The following GLI3 variants were observed in gnomAD, a reference collection of about 807,000 sequenced individuals.
GLI3 encodes GLI family zinc finger 3.
A neutral mutation model predicts 100.8 loss-of-function variants in GLI3; 20 were observed. The observed-to-expected ratio is 0.20, with a 90% CI of 0.14 to 0.29. The LOEUF is 0.29. Ranked by LOEUF, GLI3 falls within the 10% of genes least tolerant of loss-of-function variation. The pLI is 1.00. For synonymous variants in GLI3, 938 were observed against 860.5 expected (o/e 1.09, Z -1.58); for missense variants, 2,040 against 2,128.5 (o/e 0.96, Z 0.82).
At chr7:42,093,294 A>C (rs943661118) in intron 3 of GLI3, among the ~76,000 whole-genome samples, 3 of 149,872 alleles carry the variant, frequency 2.0e-5, no homozygotes, top group Non-Finnish European at 4.4e-5. Flanking sequence ...CAGGAGAATC[A>C]CTTGAACCCG....
At chr7:42,019,623 T>C (rs1357834612) in intron 10 of GLI3, among the ~76,000 whole-genome samples, 1 of 152,174 alleles carries the variant, frequency 6.6e-6, no homozygotes, top group Non-Finnish European at 1.5e-5. Flanking sequence ...TTTGAAGTTA[T>C]GATTCACGTC....
chr7:41,998,507 T>C (rs1246249301), intron 10 of GLI3, among the ~76,000 whole-genome samples: 3 of 152,178 alleles, frequency 2.0e-5, no homozygotes, highest in Non-Finnish European at 4.4e-5. Context: ...ATATAATTTT[T>C]CCCTTCTTAA....
intron 2 of GLI3, among the ~76,000 whole-genome samples, chr7:42,209,845 T>A (rs1788228234): frequency 6.7e-6 from 1 of 149,874 alleles, no homozygotes; most frequent in Non-Finnish European, 1.5e-5. Context: ...TGAGACAGTC[T>A]TGCTCTTACA....
At chr7:42,242,717 C>T (rs78094377), upstream of GLI3, among the ~76,000 whole-genome samples, 7 of 152,290 alleles carry the variant, frequency 4.6e-5, no homozygotes, top group Non-Finnish European at 1.0e-4. Flanking sequence ...AGATGGTTTA[C>T]AGCATCTTGT....
At chr7:42,049,943 A>G (rs1363594975) in intron 4 of GLI3, among the ~76,000 whole-genome samples, 1 of 152,328 alleles carries the variant, frequency 6.6e-6, no homozygotes, top group Non-Finnish European at 1.5e-5. Context: ...GGAGGGGGAA[A>G]CACATTTTCT....
At chr7:42,099,620 T>G (rs201673375) in intron 3 of GLI3, among the ~76,000 whole-genome samples, 1 of 152,304 alleles carries the variant, frequency 6.6e-6, no homozygotes, top group East Asian at 1.9e-4. Context: ...CACAGCTCAC[T>G]GCAGCTGCGA....
chr7:42,248,903 C>T (rs1789002583), intron 1 of GLI3, among the ~76,000 whole-genome samples: 2 of 151,912 alleles, frequency 1.3e-5, no homozygotes, highest in African/African-American at 4.8e-5. Flanking sequence ...GGTCCTCTCA[C>T]CTCCGTTTTT....
chr7:42,128,727 A>AT (rs1009491833), intron 3 of GLI3, among the ~76,000 whole-genome samples: 14 of 149,318 alleles, frequency 9.4e-5, no homozygotes, highest in South Asian at 4.2e-4. Context: ...GTATGTCAGT[A>AT]TTTTTTTTTT....
intron 3 of GLI3, among the ~76,000 whole-genome samples, chr7:42,139,766 C>A: frequency 6.6e-6 from 1 of 152,168 alleles, no homozygotes; most frequent in South Asian, 2.1e-4. Flanking sequence ...GCCAGGGACG[C>A]CTGGGAGGGG....
chr7:42,029,517 T>C (rs907527693), intron 7 of GLI3, among the ~76,000 whole-genome samples: 2 of 152,150 alleles, frequency 1.3e-5, no homozygotes, highest in African/African-American at 2.4e-5. Flanking sequence ...TCCTGAGGTT[T>C]TCCCACTAGG....
chr7:42,251,842 A>G (rs1419912893), intron 1 of GLI3, among the ~76,000 whole-genome samples: 1 of 152,108 alleles, frequency 6.6e-6, no homozygotes. Flanking sequence ...CTACACAGAG[A>G]AAACAGCAGG....
At chr7:42,169,358 G>A (rs780178761) in intron 2 of GLI3, among the ~76,000 whole-genome samples, 2 of 151,964 alleles carry the variant, frequency 1.3e-5, no homozygotes, top group African/African-American at 2.4e-5. Context: ...AAATTTAAAT[G>A]TGCAATATGA....
At chr7:42,206,279 T>C (rs933721369) in intron 2 of GLI3, among the ~76,000 whole-genome samples, 2 of 150,722 alleles carry the variant, frequency 1.3e-5, no homozygotes, top group African/African-American at 4.9e-5. Context: ...AAAATAATAA[T>C]AATAATAATA....
chr7:42,236,273 C>T (rs2128707396), intron 1 of GLI3, among the ~76,000 whole-genome samples: 1 of 152,308 alleles, frequency 6.6e-6, no homozygotes, highest in East Asian at 1.9e-4. Flanking sequence ...TGTGTAAACG[C>T]GGCACCTTAA....
In GLI3 at chr7:41,964,761, T is replaced by G. The variant is rs1787113075; in HGVS notation, c.4312A>C (p.Asn1438His). The G allele has an allele frequency of 1.9e-6, 3 of 1,614,006 alleles. No individual in the cohort carries two copies. The highest frequency in any genetic ancestry group is 2.5e-6 in the Non-Finnish European group (3 of 1,179,870). The change falls in exon 15 of 15, where the codon AAT becomes CAT. Residue 1438 changes from asparagine (N) to histidine (H), a missense_variant. Asn to His is a moderately conservative substitution (Grantham distance 68). Coordinates refer to ENST00000395925, the MANE Select transcript of GLI3 (RefSeq NM_000168.6). ...QPHPLCSNLQ[N>H]YSGQFYDQTV... ...TGGTCATAGAACTGACCAGAGTAAT[T>G]CTGCAGATTAGAGCACAGCGGATGG...
At chr7:42,082,936 T>C (rs1300361275) in intron 3 of GLI3, among the ~76,000 whole-genome samples, 1 of 152,200 alleles carries the variant, frequency 6.6e-6, no homozygotes, top group Non-Finnish European at 1.5e-5. Context: ...TAGATGTACA[T>C]ATTTATGGGT....
Position 41,966,059 on chromosome 7 carries a change from G to A in GLI3, c.3014C>T (p.Ala1005Val). 6.3e-7 allele frequency: 1 copy of A among 1,581,114 alleles called. No individual in the cohort carries two copies. Among genetic ancestry groups the A allele is most frequent in the South Asian group, 1.1e-5 (1 of 88,950 alleles). Reference sequence around the variant, plus strand: ...GGAGCCTGTCCGCACCGGGTCGCTGGCCCTCCTCACGCCGTGGCCCGGCGC... The same window carrying A: ...GGAGCCTGTCCGCACCGGGTCGCTGACCCTCCTCACGCCGTGGCCCGGCGC... Reference protein sequence around the residue: ...HDAPGHGVRRASDPVRTGSEG... With the variant: ...HDAPGHGVRRVSDPVRTGSEG... The change falls in exon 15 of 15, where the codon GCC becomes GTC. Residue 1005 changes from alanine to valine, a missense_variant. Coordinates refer to ENST00000395925, the MANE Select transcript of GLI3 (RefSeq NM_000168.6). The surrounding 1 kb of genome is among the most constrained non-coding windows in gnomAD (Gnocchi z 5.8).
chr7:42,118,475 C>G (rs1441342040), intron 3 of GLI3: 2 of 395,230 alleles, frequency 5.1e-6, no homozygotes, highest in Non-Finnish European at 8.9e-6. Flanking sequence ...ACTAGAGACC[C>G]CTAGCCCCCA....
chr7:42,211,621 T>C (rs570064900), intron 2 of GLI3, among the ~76,000 whole-genome samples: 1 of 152,340 alleles, frequency 6.6e-6, no homozygotes, highest in East Asian at 1.9e-4. Context: ...AGTTCTCTTT[T>C]GGTTATAGGT....
Sources: gnomAD v4.1 joint callset for allele counts (sites outside exome capture counted in the v4.1 genomes callset) on GRCh38, gnomAD v4.1.1 for gene constraint, Gnocchi (gnomAD v3.1) non-coding constraint, MANE v1.5 for transcripts, NCBI Gene and HGNC (gene_info 2026-07-23, HGNC 2026-07-21) for gene names.